APP: variants seen among roughly 807,000 people sequenced by gnomAD.
APP encodes amyloid beta precursor protein, also known as amyloid-beta precursor protein.
Under a neutral mutation model 101.4 loss-of-function variants are expected in APP, and 31 were observed. The observed-to-expected ratio is 0.31, with a 90% CI of 0.23 to 0.41. The LOEUF is 0.41. APP is among the 10% of genes least tolerant of loss of function. APP has a pLI of 1.00. For synonymous variants in APP, 366 were observed against 364.4 expected (o/e 1.00, Z -0.05); for missense variants, 839 against 1,003.7 (o/e 0.84, Z 2.22).
intron 11 of APP, among the ~76,000 whole-genome samples, chr21:25,969,046 G>T (rs1184086950): frequency 6.6e-6 from 1 of 151,992 alleles, no homozygotes. Context: ...CAAGAGGAAG[G>T]TATAAAAGTC....
rs190648941 is a variant in APP, at chr21:26,092,751, T to C, written c.226-2679A>G. ...TGTACCATTCTGTGGGGGATGTTTA[T>C]AATAGGAGAGGCTAAGCATGTGTGC... On this transcript the variant is annotated intron_variant, in intron 2 of 17. Coordinates refer to ENST00000346798, the MANE Select transcript of APP (RefSeq NM_000484.4). Among the ~76,000 whole-genome samples, 804 of 152,310 alleles carry C rather than the reference T, an allele frequency of 5.3e-3. 6 individuals are homozygous for C. Among genetic ancestry groups the C allele is most frequent in the African/African-American group, 0.018 (730 of 41,556 alleles).
chr21:25,985,748 T>C (rs1216852258), intron 8 of APP, among the ~76,000 whole-genome samples: 1 of 152,164 alleles, frequency 6.6e-6, no homozygotes, highest in Non-Finnish European at 1.5e-5. Flanking sequence ...AGTAAATCTT[T>C]GTTAACAGTC....
At chr21:26,014,937 T>C (rs2043986871) in intron 6 of APP, among the ~76,000 whole-genome samples, 2 of 152,314 alleles carry the variant, frequency 1.3e-5, no homozygotes, top group South Asian at 2.1e-4. Flanking sequence ...AGGCTTAAAA[T>C]ACCTGCAAGA....
At chr21:25,917,134 G>A (rs1263083093) in intron 13 of APP, among the ~76,000 whole-genome samples, 7 of 152,006 alleles carry the variant, frequency 4.6e-5, no homozygotes, top group Non-Finnish European at 1.0e-4. Flanking sequence ...GGTGGCGGAC[G>A]CCTGTAATCC....
In APP at chr21:26,084,933, CT is replaced by C. The variant is rs914247282; in HGVS notation, c.355+5009del. On this transcript the variant is annotated intron_variant, in intron 3 of 17. Coordinates refer to ENST00000346798, the MANE Select transcript of APP (RefSeq NM_000484.4). ...CTGTGTCGACTTTCAAGTCTTTTGA[CT>C]TTTTTCTATTATCCTTCAATGGTAC... 6.6e-5 allele frequency among the ~76,000 whole-genome samples: 10 copies of C among 152,214 alleles called. No individual in the cohort carries two copies. In the East Asian group the frequency reaches 1.9e-3, roughly 29 times the overall value.
intron 13 of APP, chr21:25,928,844 C>T (rs2040015508): frequency 6.6e-6 from 1 of 151,576 alleles, no homozygotes; most frequent in African/African-American, 2.4e-5. Context: ...ACCTCGGCCT[C>T]CTGAGTAGCT....
intron 8 of APP, among the ~76,000 whole-genome samples, chr21:25,989,376 G>T (rs1237447875): frequency 6.6e-6 from 1 of 152,086 alleles, no homozygotes; most frequent in Admixed American, 6.5e-5. Context: ...TAAGAATGTG[G>T]GGTCAAAATT....
chr21:26,019,482 G>A (rs951770521), intron 6 of APP, among the ~76,000 whole-genome samples: 1 of 152,150 alleles, frequency 6.6e-6, no homozygotes, highest in Non-Finnish European at 1.5e-5. Flanking sequence ...ACTCTCGGAG[G>A]CAGGTTCTGT....
intron 11 of APP, among the ~76,000 whole-genome samples, chr21:25,971,388 A>G (rs1228511600): frequency 6.6e-6 from 1 of 152,218 alleles, no homozygotes; most frequent in Non-Finnish European, 1.5e-5. Flanking sequence ...GGTGAAGGAC[A>G]CTGATTCCTG....
At chr21:26,027,997 C>T (rs763380175) in intron 5 of APP, among the ~76,000 whole-genome samples, 45 of 151,922 alleles carry the variant, frequency 3.0e-4, no homozygotes, top group Non-Finnish European at 5.1e-4. Flanking sequence ...GAGTTCGAGA[C>T]CAGCCTGGCC....
intron 3 of APP, among the ~76,000 whole-genome samples, chr21:26,055,483 T>C (rs1029622136): frequency 1.2e-4 from 19 of 152,144 alleles, no homozygotes; most frequent in African/African-American, 4.3e-4. Context: ...AAAGGTAATC[T>C]CATCCAAAAC....
intron 15 of APP, among the ~76,000 whole-genome samples, chr21:25,899,251 G>A (rs531871377): frequency 2.0e-5 from 3 of 152,192 alleles, no homozygotes; most frequent in Non-Finnish European, 2.9e-5. Flanking sequence ...CTCTTAGCCT[G>A]CAGTTGGTCT....
chr21:26,066,361 G>A (rs150456041), intron 3 of APP, among the ~76,000 whole-genome samples: 1 of 152,224 alleles, frequency 6.6e-6, no homozygotes, highest in East Asian at 1.9e-4. Flanking sequence ...ACAGTTTAGT[G>A]TTAAGTAGAT....
chr21:26,079,526 T>A (rs1217869966), intron 3 of APP, among the ~76,000 whole-genome samples: 1 of 152,156 alleles, frequency 6.6e-6, no homozygotes, highest in Non-Finnish European at 1.5e-5. Context: ...TAATTCCTCA[T>A]ACAGGGAGAA....
At chr21:26,108,644 C>T (rs1015428668) in intron 2 of APP, among the ~76,000 whole-genome samples, 7 of 152,088 alleles carry the variant, frequency 4.6e-5, no homozygotes, top group African/African-American at 1.4e-4. Context: ...TCCCAGCACT[C>T]TGGGAGGCCG....
chr21:26,008,893 T>C lies in APP; in HGVS notation c.866-8711A>G, dbSNP rs540861923. 3.5e-3 allele frequency among the ~76,000 whole-genome samples: 533 copies of C among 152,330 alleles called. 4 individuals are homozygous for C. The highest frequency in any genetic ancestry group is 0.012 in the African/African-American group (486 of 41,574). On this transcript the variant is annotated intron_variant, in intron 6 of 17. Transcript: ENST00000346798. ...TTTTCCTTTTCAGTTTCTTACTTCC[T>C]GTCTCAATGCTGCAAATCTGCACCA... is the stretch of plus-strand genomic sequence containing the variant.
chr21:25,985,641 G>C (rs73163728), intron 8 of APP, among the ~76,000 whole-genome samples: 1 of 152,102 alleles, frequency 6.6e-6, no homozygotes, highest in Non-Finnish European at 1.5e-5. Context: ...CATAATTGTT[G>C]TGTGAGTCAA....
chr21:26,085,989 T>G (rs2061694503), intron 3 of APP, among the ~76,000 whole-genome samples: 1 of 152,238 alleles, frequency 6.6e-6, no homozygotes, highest in African/African-American at 2.4e-5. Flanking sequence ...GCTATTAACC[T>G]GACTTTGCCC....
chr21:25,999,017 G>A (rs2043166731), intron 7 of APP, among the ~76,000 whole-genome samples: 1 of 152,230 alleles, frequency 6.6e-6, no homozygotes, highest in Non-Finnish European at 1.5e-5. Context: ...CTGGCGGGGT[G>A]CAGTGGCTCA....
Sources: allele counts gnomAD v4.1 joint callset (sites outside exome capture counted in the v4.1 genomes callset), GRCh38; gene constraint gnomAD v4.1.1; transcripts MANE v1.5; gene names NCBI Gene and HGNC (gene_info 2026-07-23, HGNC 2026-07-21).